Variants in PCDHGA12 observed in about 807,000 individuals in gnomAD.
The protein encoded by PCDHGA12 is protocadherin gamma-A12.
PCDHGA12 carries 43 observed loss-of-function variants against 61.1 expected under a neutral mutation model. That is an observed-to-expected ratio of 0.70 (90% confidence interval 0.55 to 0.91). The LOEUF is 0.91. Ranked by LOEUF, PCDHGA12 falls within the 40% of genes least tolerant of loss-of-function variation. PCDHGA12 has a pLI of 0.00. For missense variants in PCDHGA12, 1,236 were observed against 1,227.7 expected (o/e 1.01, Z -0.10); for synonymous variants, 520 against 542.9 (o/e 0.96, Z 0.59).
intron 1 of PCDHGA12, among the ~76,000 whole-genome samples, chr5:141,469,667 T>C (rs62379201): frequency 0.22 from 32,952 of 152,218 alleles, 3,707 homozygotes; most frequent in African/African-American, 0.28. Flanking sequence ...CTTGTTCTAA[T>C]AAAACTACAT....
chr5:141,487,237 T>G lies in PCDHGA12; in HGVS notation c.2425-7570T>G, dbSNP rs1327004790. ...CAGCTCCAAGGGAAGGAGAATCTCGTCTAACCCTCTACTTGGCTGTGTCCC... is the reference window on the plus strand; with the variant it reads ...CAGCTCCAAGGGAAGGAGAATCTCGGCTAACCCTCTACTTGGCTGTGTCCC... On this transcript the variant is annotated intron_variant, in intron 1 of 3. Transcript: ENST00000252085. This position sits in a 1 kb window ranked among gnomAD's most constrained non-coding sequence, Gnocchi z 5.0. 1.2e-6 allele frequency: 2 copies of G among 1,614,004 alleles called. No individual in the cohort carries two copies. The highest frequency in any genetic ancestry group is 1.7e-6 in the Non-Finnish European group (2 of 1,179,988).
intron 1 of PCDHGA12, among the ~76,000 whole-genome samples, chr5:141,435,150 C>G (rs1256233613): frequency 6.6e-6 from 1 of 152,006 alleles, no homozygotes; most frequent in Non-Finnish European, 1.5e-5. Context: ...TTGTGATAAA[C>G]TTTTGTAAAT....
intron 2 of PCDHGA12, among the ~76,000 whole-genome samples, chr5:141,502,352 C>G (rs544911376): frequency 3.2e-4 from 49 of 151,888 alleles, no homozygotes; most frequent in African/African-American, 1.2e-3. Flanking sequence ...TTTTTAATGA[C>G]ATGGATATTT....
intron 2 of PCDHGA12, among the ~76,000 whole-genome samples, chr5:141,504,722 C>T (rs747319660): frequency 1.3e-5 from 2 of 151,828 alleles, no homozygotes; most frequent in Non-Finnish European, 2.9e-5. Context: ...GGATTTTACT[C>T]TGAGGGCTTA....
rs757157488 is a variant in PCDHGA12 at position 141,477,668 on chromosome 5, A to G, written c.2425-17139A>G. ...TTTCACAATAAATCGTGACAATGGC[A>G]TAGTGTCATCCTTAGTGCCCCTAGA... On this transcript the variant is annotated intron_variant, in intron 1 of 3. Coordinates refer to ENST00000252085, the MANE Select transcript of PCDHGA12 (RefSeq NM_003735.3). The surrounding 1 kb of genome is among the most constrained non-coding windows in gnomAD (Gnocchi z 4.9). 10 of 1,614,104 alleles carry G rather than the reference A, an allele frequency of 6.2e-6. No individual in the cohort carries two copies. Among genetic ancestry groups the G allele is most frequent in the Non-Finnish European group, 8.5e-6 (10 of 1,180,046 alleles).
chr5:141,474,486 C>G (rs531956129), intron 1 of PCDHGA12, among the ~76,000 whole-genome samples: 11 of 152,326 alleles, frequency 7.2e-5, no homozygotes, highest in African/African-American at 2.4e-4. Context: ...TAAATGTATT[C>G]TATCTTCTAA....
intron 1 of PCDHGA12, among the ~76,000 whole-genome samples, chr5:141,438,705 G>A (rs555160868): frequency 2.0e-4 from 29 of 145,842 alleles, no homozygotes; most frequent in African/African-American, 7.1e-4. Flanking sequence ...CTGTCACCCA[G>A]GCTGGAGTGC....
rs1562052190 is a variant in PCDHGA12, at chr5:141,476,218, CTA to C, written c.2425-18587_2425-18586del. The C allele has an allele frequency of 6.2e-7, 1 of 1,613,984 alleles. No individual in the cohort carries two copies. The highest frequency in any genetic ancestry group is 8.5e-7 in the Non-Finnish European group (1 of 1,180,024). ...TGAACAAGGCTTCCACGGTCATTCA[CTA>C]TGAGATCCCGGAGGAAAGAGAGAAG... On this transcript the variant is annotated intron_variant, in intron 1 of 3. Coordinates refer to ENST00000252085, the MANE Select transcript of PCDHGA12 (RefSeq NM_003735.3). This position sits in a 1 kb window ranked among gnomAD's most constrained non-coding sequence, Gnocchi z 7.6.
intron 1 of PCDHGA12, chr5:141,441,629 G>T: frequency 4.5e-6 from 1 of 224,156 alleles, no homozygotes; most frequent in Non-Finnish European, 9.0e-6. Flanking sequence ...GTGACCTGGA[G>T]CCACAGGCGC....
intron 3 of PCDHGA12, among the ~76,000 whole-genome samples, chr5:141,507,479 C>T (rs1050741571): frequency 1.3e-5 from 2 of 152,198 alleles, no homozygotes; most frequent in East Asian, 1.9e-4. Flanking sequence ...GACTGCTGGC[C>T]TCCTGAGGCA....
intron 1 of PCDHGA12, chr5:141,441,743 C>G (rs1298220876): frequency 2.7e-6 from 1 of 367,284 alleles, no homozygotes; most frequent in Non-Finnish European, 5.4e-6. Flanking sequence ...AGCTCGCGCT[C>G]GGCGTCAACG....
chr5:141,472,290 C>T (rs2099275934), intron 1 of PCDHGA12, among the ~76,000 whole-genome samples: 2 of 152,096 alleles, frequency 1.3e-5, no homozygotes, highest in Admixed American at 6.6e-5. Flanking sequence ...ACCTGTAATC[C>T]CAGCACTTTG....
intron 1 of PCDHGA12, among the ~76,000 whole-genome samples, chr5:141,463,541 C>T (rs1423301726): frequency 2.7e-5 from 4 of 150,402 alleles, no homozygotes; most frequent in East Asian, 2.0e-4. Flanking sequence ...CTCCGGCTCC[C>T]GGGTTCATGC....
chr5:141,499,275 C>T (rs1259707742), intron 2 of PCDHGA12, among the ~76,000 whole-genome samples: 1 of 152,178 alleles, frequency 6.6e-6, no homozygotes, highest in African/African-American at 2.4e-5. Flanking sequence ...CTAGACTGTT[C>T]TCTGATGGCT....
intron 1 of PCDHGA12, among the ~76,000 whole-genome samples, chr5:141,471,978 A>C (rs1246474598): frequency 1.3e-5 from 2 of 152,184 alleles, no homozygotes; most frequent in African/African-American, 4.8e-5. Flanking sequence ...TTACTGTATA[A>C]ATTTATTAAA....
In PCDHGA12 at chr5:141,489,163, C is replaced by T. The variant is rs2099683398; in HGVS notation, c.2425-5644C>T. 1 of 1,060,592 alleles carries T rather than the reference C, an allele frequency of 9.4e-7. No individual in the cohort carries two copies. Among genetic ancestry groups the T allele is most frequent in the Admixed American group, 2.4e-5 (1 of 41,724 alleles). The allele number at this position is 1,060,592 out of a possible 1,614,324, so 65.7% of individuals were successfully genotyped here. On this transcript the variant is annotated intron_variant, in intron 1 of 3. Coordinates refer to ENST00000252085, the MANE Select transcript of PCDHGA12 (RefSeq NM_003735.3). This position sits in a 1 kb window ranked among gnomAD's most constrained non-coding sequence, Gnocchi z 4.5. ...TGGAAGGAGACATAAGAGACTTCAGCTGCTGCATTCCAAGCCCTGGGTCTA... is the reference window on the plus strand; with the variant it reads ...TGGAAGGAGACATAAGAGACTTCAGTTGCTGCATTCCAAGCCCTGGGTCTA...
intron 2 of PCDHGA12, among the ~76,000 whole-genome samples, chr5:141,498,543 C>T (rs2099784198): frequency 6.6e-6 from 1 of 151,870 alleles, no homozygotes; most frequent in South Asian, 2.1e-4. Flanking sequence ...CTGGTCTGGT[C>T]AGACACACCA....
Position 141,476,757 on chromosome 5 carries a change from T to C in PCDHGA12, c.2425-18050T>C. On this transcript the variant is annotated intron_variant, in intron 1 of 3. Coordinates refer to ENST00000252085, the MANE Select transcript of PCDHGA12 (RefSeq NM_003735.3). This position sits in a 1 kb window ranked among gnomAD's most constrained non-coding sequence, Gnocchi z 7.6. ...CGGGAGCCTAGTCTCCAGTTAGTGC[T>C]GACGGCGTTGGACGGAGGGACCCCA... 1.2e-6 allele frequency: 2 copies of C among 1,613,906 alleles called. No individual in the cohort carries two copies. The highest frequency in any genetic ancestry group is 1.7e-6 in the Non-Finnish European group (2 of 1,180,004).
intron 1 of PCDHGA12, among the ~76,000 whole-genome samples, chr5:141,451,387 T>C (rs1039738460): frequency 6.6e-6 from 1 of 152,116 alleles, no homozygotes; most frequent in African/African-American, 2.4e-5. Flanking sequence ...TCTCACATAG[T>C]TAATGGCAAA....
Sources: gnomAD v4.1 joint callset for allele counts (sites outside exome capture counted in the v4.1 genomes callset) on GRCh38, gnomAD v4.1.1 for gene constraint, Gnocchi (gnomAD v3.1) non-coding constraint, MANE v1.5 for transcripts, NCBI Gene and HGNC (gene_info 2026-07-23, HGNC 2026-07-21) for gene names.